TRAPPC10: variants seen among roughly 807,000 people sequenced by gnomAD.
TRAPPC10 encodes trafficking protein particle complex subunit 10.
TRAPPC10 carries 23 observed loss-of-function variants against 125.5 expected under a neutral mutation model. The observed-to-expected ratio is 0.18, with a 90% CI of 0.13 to 0.26. The LOEUF (loss-of-function observed/expected upper bound fraction) is 0.26. TRAPPC10 is among the 10% of genes least tolerant of loss of function. The pLI is 1.00. For missense variants in TRAPPC10, 1,123 were observed against 1,308.4 expected, an observed-to-expected ratio of 0.86 and a Z score of 2.19; for synonymous variants, 509 against 518.0, an observed-to-expected ratio of 0.98 and a Z score of 0.24.
chr21:44,078,327 T>C (rs2037430280), intron 11 of TRAPPC10, among the ~76,000 whole-genome samples: 1 of 151,984 alleles, frequency 6.6e-6, no homozygotes, highest in Non-Finnish European at 1.5e-5. Context: ...CTGGTGTGTT[T>C]CATAAAATCA....
intron 1 of TRAPPC10, among the ~76,000 whole-genome samples, chr21:44,025,823 T>G (rs1184907824): frequency 0.016 from 9 of 560 alleles, no homozygotes; most frequent in Non-Finnish European, 0.027. Flanking sequence ...AGGGCAGGGG[T>G]GTGTGTGTGT....
intron 6 of TRAPPC10, among the ~76,000 whole-genome samples, chr21:44,060,789 C>T (rs1363045664): frequency 1.3e-4 from 20 of 151,424 alleles, no homozygotes; most frequent in Admixed American, 9.9e-4. Flanking sequence ...TTAGTAGAAA[C>T]GGGGTTTCAC....
intron 14 of TRAPPC10, among the ~76,000 whole-genome samples, chr21:44,083,537 T>G (rs993726474): frequency 4.6e-5 from 7 of 152,234 alleles, no homozygotes; most frequent in African/African-American, 1.7e-4. Flanking sequence ...GTTCTTAGAT[T>G]AAGTTAGCTT....
rs1412824715 is a variant in TRAPPC10, at chr21:44,084,218, G to A, written c.2335G>A (p.Asp779Asn). ...TCACATCTACCCCATTGTGCAGTACGACGTGTACTCACAGGAGCCCCAGCT... is the reference window on the plus strand; with the variant it reads ...TCACATCTACCCCATTGTGCAGTACAACGTGTACTCACAGGAGCCCCAGCT... ...LPHIYPIVQYDVYSQEPQLHV... is the reference protein window; with the variant it reads ...LPHIYPIVQYNVYSQEPQLHV... The change falls in exon 15 of 23, where the codon GAC becomes AAC. Residue 779 changes from aspartate to asparagine, a missense_variant. Physicochemically the swap from Asp to Asn is conservative, Grantham distance 23. Coordinates refer to ENST00000291574, the MANE Select transcript of TRAPPC10 (RefSeq NM_003274.5). 14 of 1,614,096 alleles carry A rather than the reference G, an allele frequency of 8.7e-6. No homozygotes were observed. Among genetic ancestry groups the A allele is most frequent in the Non-Finnish European group, 1.1e-5 (13 of 1,179,996 alleles).
intron 1 of TRAPPC10, among the ~76,000 whole-genome samples, chr21:44,017,991 A>G (rs1350735123): frequency 1.3e-5 from 2 of 152,120 alleles, no homozygotes; most frequent in Non-Finnish European, 2.9e-5. Flanking sequence ...TGTTAGTGTT[A>G]TTAGCCCAAC....
At chr21:44,101,318 C>T (rs1395343668) in intron 21 of TRAPPC10, among the ~76,000 whole-genome samples, 1 of 70,710 alleles carries the variant, frequency 1.4e-5, no homozygotes, top group African/African-American at 3.1e-5. Context: ...TAAGAAGGGA[C>T]GAGATGATGC....
intron 3 of TRAPPC10, chr21:44,046,666 G>A (rs755380865): frequency 5.2e-5 from 13 of 250,702 alleles, no homozygotes; most frequent in Non-Finnish European, 7.0e-5. Context: ...CAGCCACCAC[G>A]CCCGGTTAAT....
Position 44,059,239 on chromosome 21 carries a change from C to G in TRAPPC10, c.790+25C>G, listed in dbSNP as rs1461320921. 1 of 1,537,462 alleles carries G rather than the reference C, an allele frequency of 6.5e-7. No individual in the cohort carries two copies. Among genetic ancestry groups the G allele is most frequent in the South Asian group, 1.2e-5 (1 of 83,912 alleles). The stretch of plus-strand genomic sequence containing the variant: ...GGTGAGTAGTGGCACTTCAGTAACG[C>G]ATGCTTTTCTTAGTGTGGCTTTCTC... On this transcript the variant is annotated intron_variant, in intron 6 of 22. Coordinates refer to ENST00000291574, the MANE Select transcript of TRAPPC10 (RefSeq NM_003274.5). This position sits in a 1 kb window ranked among gnomAD's most constrained non-coding sequence, Gnocchi z 4.4.
chr21:44,057,511 T>TG (rs1250678391), intron 5 of TRAPPC10, among the ~76,000 whole-genome samples: 1 of 152,142 alleles, frequency 6.6e-6, no homozygotes, highest in Admixed American at 6.5e-5. Context: ...TTGCCCAGGC[T>TG]GGTCTCAAAC....
At chr21:44,090,095 T>G (rs953218606) in intron 18 of TRAPPC10, among the ~76,000 whole-genome samples, 162 bp downstream of exon 18, 3 of 152,204 alleles carry the variant, frequency 2.0e-5, no homozygotes, top group Non-Finnish European at 2.9e-5. Context: ...CCTGGTGTCC[T>G]GTGACATCCA....
chr21:44,092,241 A>C (rs1301645694), intron 19 of TRAPPC10, among the ~76,000 whole-genome samples, 192 bp downstream of exon 19: 2 of 152,232 alleles, frequency 1.3e-5, no homozygotes, highest in Non-Finnish European at 2.9e-5. Flanking sequence ...GGGTGGCTGG[A>C]TGGATGAATT....
chr21:44,032,334 T>C (rs1315622553), intron 2 of TRAPPC10, among the ~76,000 whole-genome samples, 162 bp downstream of exon 2: 4 of 151,666 alleles, frequency 2.6e-5, no homozygotes, highest in African/African-American at 9.7e-5. Context: ...TCACATAATC[T>C]GTGGGTCTTT....
At chr21:44,092,114 T>G in intron 19 of TRAPPC10, 65 bp downstream of exon 19, 1 of 1,590,096 alleles carries the variant, frequency 6.3e-7, no homozygotes, top group Non-Finnish European at 8.6e-7. Flanking sequence ...GGAAATGATG[T>G]AGTATGTGTT....
chr21:44,074,807 G>A (rs1277543478), intron 8 of TRAPPC10, among the ~76,000 whole-genome samples: 2 of 152,224 alleles, frequency 1.3e-5, no homozygotes, highest in Non-Finnish European at 2.9e-5. Context: ...AGGTGCAGGC[G>A]TAGCCTGGGG....
chr21:44,047,570 G>GCA (rs1555936214), intron 3 of TRAPPC10, among the ~76,000 whole-genome samples: 1 of 151,520 alleles, frequency 6.6e-6, no homozygotes, highest in Non-Finnish European at 1.5e-5. Flanking sequence ...GTGTGTGCGC[G>GCA]CACACGCTAC....
chr21:44,078,042 T>C (rs2037413864), intron 11 of TRAPPC10, among the ~76,000 whole-genome samples: 1 of 152,198 alleles, frequency 6.6e-6, no homozygotes, highest in African/African-American at 2.4e-5. Context: ...TGTAACTAAG[T>C]TTAATTAAAG....
chr21:44,079,465 T>G (rs2037523574), intron 11 of TRAPPC10, 99 bp from the exon 12 acceptor site: 1 of 1,375,988 alleles, frequency 7.3e-7, no homozygotes, highest in East Asian at 2.4e-5. Context: ...TGTCCTGGCA[T>G]GGGGTCTGGA....
chr21:44,071,802 G>A lies in TRAPPC10; in HGVS notation c.1039-2522G>A, dbSNP rs146041514. On this transcript the variant is annotated intron_variant, in intron 7 of 22. Transcript: ENST00000291574. ...CATGGAGCCGGTGAGAACTCGCAGC[G>A]GAGACCAGAGCAGGCCCGGGGGAGG... Among the ~76,000 whole-genome samples the A allele has an allele frequency of 3.4e-3, 524 of 152,334 alleles. 8 individuals carry two copies. The highest frequency in any genetic ancestry group is 0.012 in the African/African-American group (489 of 41,564).
At chr21:44,031,178 CT>C (rs1362177654) in intron 1 of TRAPPC10, among the ~76,000 whole-genome samples, 1 of 152,086 alleles carries the variant, frequency 6.6e-6, no homozygotes, top group Admixed American at 6.5e-5. Context: ...TATTTTTAGG[CT>C]TTTGATAGCA....
Sources: allele counts gnomAD v4.1 joint callset (sites outside exome capture counted in the v4.1 genomes callset), GRCh38; gene constraint gnomAD v4.1.1; non-coding constraint Gnocchi (gnomAD v3.1); transcripts MANE v1.5; gene names NCBI Gene and HGNC (gene_info 2026-07-23, HGNC 2026-07-21).